The following TAFA4 variants were observed in gnomAD, a reference collection of about 807,000 sequenced individuals.
The protein encoded by TAFA4 is chemokine-like protein TAFA-4.
Under a neutral mutation model 21.1 loss-of-function variants are expected in TAFA4, and 20 were observed. That is an observed-to-expected ratio of 0.95 (90% confidence interval 0.67 to 1.38). The LOEUF (loss-of-function observed/expected upper bound fraction) is 1.38. Ranked by LOEUF, TAFA4 falls within the 40% of genes most tolerant of loss-of-function variation. The pLI is 0.00. For missense variants in TAFA4, 211 were observed against 180.9 expected (o/e 1.17, Z -0.95); for synonymous variants, 71 against 67.4 (o/e 1.05, Z -0.26).
chr3:68,866,674 A>C (rs1313008893), intron 3 of TAFA4, among the ~76,000 whole-genome samples: 59 of 147,908 alleles, frequency 4.0e-4, no homozygotes, highest in Admixed American at 1.0e-3. Flanking sequence ...AAAAAAAAAA[A>C]AAAACTCTGC....
intron 5 of TAFA4, among the ~76,000 whole-genome samples, chr3:68,738,422 A>C (rs774494352): frequency 8.5e-5 from 13 of 152,142 alleles, no homozygotes; most frequent in Non-Finnish European, 1.3e-4. Context: ...TGTAGGGACC[A>C]GACTGGAAGG....
intron 3 of TAFA4, among the ~76,000 whole-genome samples, chr3:68,813,486 C>T (rs1163263914): frequency 6.6e-6 from 1 of 151,958 alleles, no homozygotes; most frequent in Non-Finnish European, 1.5e-5. Context: ...AACAGGATAC[C>T]ACCACCGATC....
At chr3:68,882,493 C>G (rs1187863506) in intron 2 of TAFA4, among the ~76,000 whole-genome samples, 1 of 152,200 alleles carries the variant, frequency 6.6e-6, no homozygotes, top group Admixed American at 6.5e-5. Flanking sequence ...AGGGTCTCCA[C>G]AGTCCCTCCC....
intron 3 of TAFA4, among the ~76,000 whole-genome samples, chr3:68,794,873 A>G (rs1317771393): frequency 6.6e-6 from 1 of 152,080 alleles, no homozygotes; most frequent in East Asian, 1.9e-4. Context: ...GCTCCCAACA[A>G]AAAGACAAAC....
intron 5 of TAFA4, among the ~76,000 whole-genome samples, chr3:68,733,393 T>C (rs895145562): frequency 1.3e-5 from 2 of 152,206 alleles, no homozygotes; most frequent in African/African-American, 4.8e-5. Context: ...GCTTTGTATT[T>C]GTGAGGTTAT....
At chr3:68,815,453 A>T (rs1238679661) in intron 3 of TAFA4, among the ~76,000 whole-genome samples, 1 of 152,210 alleles carries the variant, frequency 6.6e-6, no homozygotes, top group Non-Finnish European at 1.5e-5. Context: ...CAATAAACTC[A>T]AACAAATTTA....
chr3:68,875,713 A>C (rs941832630), intron 3 of TAFA4, among the ~76,000 whole-genome samples: 1 of 152,110 alleles, frequency 6.6e-6, no homozygotes, highest in Non-Finnish European at 1.5e-5. Flanking sequence ...TAACTTTAAG[A>C]CTTAATGGTT....
intron 3 of TAFA4, among the ~76,000 whole-genome samples, chr3:68,765,508 A>G (rs1702835966): frequency 1.3e-5 from 2 of 152,152 alleles, no homozygotes; most frequent in Admixed American, 1.3e-4. Context: ...GTCATTAAGT[A>G]TCTAAGTCCA....
intron 1 of TAFA4, among the ~76,000 whole-genome samples, chr3:68,888,228 A>G (rs2089693955): frequency 1.3e-5 from 2 of 152,102 alleles, no homozygotes; most frequent in Non-Finnish European, 1.5e-5. Flanking sequence ...TTACCATGTT[A>G]AAACAAGGAT....
At chr3:68,818,575 TCTTC>T (rs1439886363) in intron 3 of TAFA4, among the ~76,000 whole-genome samples, 2 of 152,204 alleles carry the variant, frequency 1.3e-5, no homozygotes, top group Admixed American at 6.5e-5. Context: ...CACATGTGAC[TCTTC>T]CTTTCACTTG....
In TAFA4 at chr3:68,771,004, C is replaced by T. The variant is rs376887430; in HGVS notation, c.131-17986G>A. On this transcript the variant is annotated intron_variant, in intron 3 of 5. Coordinates refer to ENST00000295569, the MANE Select transcript of TAFA4 (RefSeq NM_182522.5). ...CCAGCAGACACCGGCAGACCAACAACAGCAGAACGACTCGGACACCAAGGG... is the reference window on the plus strand; with the variant it reads ...CCAGCAGACACCGGCAGACCAACAATAGCAGAACGACTCGGACACCAAGGG... Among the ~76,000 whole-genome samples, 61 of 152,302 alleles carry T rather than the reference C, an allele frequency of 4.0e-4. 1 individual carries two copies. Among genetic ancestry groups the T allele is most frequent in the African/African-American group, 1.3e-3 (55 of 41,564 alleles).
At chr3:68,866,650 C>A (rs1416692063) in intron 3 of TAFA4, among the ~76,000 whole-genome samples, 1 of 7,992 alleles carries the variant, frequency 1.3e-4, no homozygotes, top group Non-Finnish European at 2.1e-4. Flanking sequence ...AATAGCAGTT[C>A]TAAAAAAAAA....
At chr3:68,774,453 C>G (rs1703015443) in intron 3 of TAFA4, among the ~76,000 whole-genome samples, 1 of 152,154 alleles carries the variant, frequency 6.6e-6, no homozygotes, top group South Asian at 2.1e-4. Flanking sequence ...TCTCCACACT[C>G]TCTAGTCTCA....
intron 5 of TAFA4, among the ~76,000 whole-genome samples, chr3:68,736,931 C>G (rs1321368158): frequency 6.6e-6 from 1 of 152,112 alleles, no homozygotes; most frequent in Non-Finnish European, 1.5e-5. Flanking sequence ...CTTTCTACAA[C>G]TTTTCGAAGT....
intron 1 of TAFA4, among the ~76,000 whole-genome samples, chr3:68,900,280 T>TAAC (rs796968026): frequency 3.1e-3 from 111 of 36,166 alleles, no homozygotes; most frequent in Non-Finnish European, 5.1e-3. Flanking sequence ...ATAATAATAA[T>TAAC]AACAATAATA....
In TAFA4 at chr3:68,801,261, C is replaced by T. The variant is rs950343975; in HGVS notation, c.131-48243G>A. ...TCCACGTCCCCCTGGGCCAAAATAT[C>T]GGAAGGGATTATTGTTTTGCTGATG... On this transcript the variant is annotated intron_variant, in intron 3 of 5. Transcript: ENST00000295569. Among the ~76,000 whole-genome samples the T allele has an allele frequency of 2.6e-4, 39 of 152,198 alleles. 1 individual carries two copies. Among genetic ancestry groups the T allele is most frequent in the African/African-American group, 7.7e-4 (32 of 41,444 alleles).
At chr3:68,858,569 C>G (rs1159282120) in intron 3 of TAFA4, among the ~76,000 whole-genome samples, 1 of 134,634 alleles carries the variant, frequency 7.4e-6, no homozygotes, top group Non-Finnish European at 1.6e-5. Context: ...AGGTACTATT[C>G]CAAGTGACGT....
intron 3 of TAFA4, among the ~76,000 whole-genome samples, chr3:68,819,203 G>A (rs1389392477): frequency 2.6e-5 from 4 of 151,524 alleles, no homozygotes; most frequent in Admixed American, 6.6e-5. Context: ...CCTGGAGGCG[G>A]AGGTTGCAGT....
At chr3:68,749,811 G>A (rs943396051) in intron 4 of TAFA4, among the ~76,000 whole-genome samples, 2 of 152,208 alleles carry the variant, frequency 1.3e-5, no homozygotes, top group Non-Finnish European at 2.9e-5. Context: ...CCAATGTGAA[G>A]CTTTAAGCCA....
Sources: gnomAD v4.1 joint callset for allele counts (sites outside exome capture counted in the v4.1 genomes callset) on GRCh38, gnomAD v4.1.1 for gene constraint, MANE v1.5 for transcripts, NCBI Gene and HGNC (gene_info 2026-07-23, HGNC 2026-07-21) for gene names.